Variants in RAP2C observed in about 807,000 individuals in gnomAD.
RAP2C encodes RAP2C, member of RAS oncogene family.
RAP2C carries 3 observed loss-of-function variants against 8.9 expected under a neutral mutation model. That is an observed-to-expected ratio of 0.34 (90% CI 0.15 to 0.87). The LOEUF (loss-of-function observed/expected upper bound fraction) is 0.87. RAP2C is among the 40% of genes least tolerant of loss of function. The pLI, the probability that RAP2C is intolerant of heterozygous loss-of-function variation, is 0.51. For synonymous variants in RAP2C, 60 were observed against 52.1 expected (o/e 1.15, Z -0.65); for missense variants, 76 against 133.7 (o/e 0.57, Z 2.13).
At chrX:132,209,288 T>G (rs1443503537) in intron 5 of RAP2C, among the ~76,000 whole-genome samples, 3 of 111,835 alleles carry the variant, frequency 2.7e-5, no homozygotes, top group Non-Finnish European at 5.6e-5. Context: ...TAAATTAATA[T>G]GATTAGTTCA....
rs1284536245 is a variant in RAP2C, at chrX:132,216,988, T to C, written c.273+8A>G. 1.8e-6 allele frequency: 2 copies of C among 1,115,737 alleles called. No individual in the cohort carries two copies. Among genetic ancestry groups the C allele is most frequent in the Non-Finnish European group, 2.4e-6 (2 of 848,481 alleles). The allele number at this position is 1,115,737 out of a possible 1,213,427, so 91.9% of individuals were successfully genotyped here. On this transcript the variant is annotated splice_region_variant and intron_variant, in intron 4 of 5. Coordinates refer to ENST00000370874, the MANE Select transcript of RAP2C (RefSeq NM_001271186.2). ...CTTCTAACAAATTACAAGACTTGGT[T>C]TGGTTACCTGAAAAGACTGTTGATT...
At chrX:132,216,810 T>G (rs750486863) in intron 4 of RAP2C, among the ~76,000 whole-genome samples, 186 bp downstream of exon 4, 2 of 112,383 alleles carry the variant, frequency 1.8e-5, no homozygotes, top group South Asian at 7.4e-4. Context: ...TTGACGCTTG[T>G]TACTTTTTAC....
chrX:132,204,969 CAT>C lies in RAP2C; in HGVS notation c.*651_*652del, dbSNP rs1211490848. 1 of 74,984 alleles carries C rather than the reference CAT, an allele frequency of 1.3e-5. No homozygotes were observed. Among genetic ancestry groups the C allele is most frequent in the East Asian group, 4.4e-4 (1 of 2,269 alleles). The allele number at this position is 74,984 out of a possible 1,213,427, so 6.2% of individuals were successfully genotyped here. A position where few individuals can be genotyped will look rare whatever the true frequency, so the allele number is the denominator to read the frequency against. ...CAAATATCAATTGTAACCTTCAGAA[CAT>C]GTTAATTACAAAAAAAAAAAAAAAA... On this transcript the variant is annotated 3_prime_UTR_variant, in exon 6 of 6. Transcript: ENST00000370874.
intron 5 of RAP2C, among the ~76,000 whole-genome samples, chrX:132,209,164 G>A (rs779645978): frequency 8.9e-6 from 1 of 111,863 alleles, no homozygotes; most frequent in Non-Finnish European, 1.9e-5. Flanking sequence ...TTGAATGGAG[G>A]TGGAATCACA....
At chrX:132,216,376 CT>C in intron 4 of RAP2C, among the ~76,000 whole-genome samples, 1 of 111,794 alleles carries the variant, frequency 8.9e-6, no homozygotes, top group Non-Finnish European at 1.9e-5. Context: ...GTTATTAATT[CT>C]AGGTACTAGT....
At chrX:132,206,698 T>C (rs999673007) in intron 5 of RAP2C, among the ~76,000 whole-genome samples, 1 of 112,100 alleles carries the variant, frequency 8.9e-6, no homozygotes, top group African/African-American at 3.2e-5. Context: ...TCAAAGAGCC[T>C]GAGATAATGC....
rs199820331 is a variant in RAP2C, at chrX:132,214,140, G to A, written c.*28C>T. 3.4e-6 allele frequency: 4 copies of A among 1,184,927 alleles called. No individual in the cohort carries two copies. The African/African-American group carries it at 5.3e-5, about 16-fold the overall frequency. ...AGTTCCATCAAAAACTAACCTGCTC[G>A]GTATGGCCATGATTGAGGTTATCTT... On this transcript the variant is annotated 3_prime_UTR_variant, in exon 5 of 6. Transcript: ENST00000370874.
At position 132,217,094 on chromosome X, in the gene RAP2C, C is replaced by A; in HGVS notation, c.175G>T (p.Ala59Ser). Residue 59 changes from alanine to serine, a missense_variant, in exon 4 of 6, where the codon GCA becomes TCA. By Grantham distance (99) the Ala-to-Ser change is moderately conservative. Transcript: ENST00000370874. ...SPSVLEILDT[A>S]GTEQFASMRD... Reference sequence around the variant, plus strand: ...ATGGAGGCAAACTGCTCAGTTCCTGCGGTGTCCAGAATTTCCAGCACGGAG... The same window carrying A: ...ATGGAGGCAAACTGCTCAGTTCCTGAGGTGTCCAGAATTTCCAGCACGGAG... 8.3e-7 allele frequency: 1 copy of A among 1,201,108 alleles called. No individual in the cohort carries two copies. Among genetic ancestry groups the A allele is most frequent in the Non-Finnish European group, 1.1e-6 (1 of 889,978 alleles).
intron 1 of RAP2C, among the ~76,000 whole-genome samples, chrX:132,219,053 C>A (rs1037261771): frequency 8.9e-6 from 1 of 112,166 alleles, no homozygotes; most frequent in African/African-American, 3.2e-5. Context: ...ATTGTTACTT[C>A]CGACTATCTT....
In RAP2C at chrX:132,218,299, T is replaced by G. The variant is rs1930731242; in HGVS notation, c.-703A>C. ...GAGCGAGCGAGCCGGCCGGGGACGG[T>G]TTCGGGTCGGGACTCCGGCTTCGGG... is the stretch of plus-strand genomic sequence containing the variant. On this transcript the variant is annotated 5_prime_UTR_variant, in exon 2 of 6. Coordinates refer to ENST00000370874, the MANE Select transcript of RAP2C (RefSeq NM_001271186.2). 9.3e-6 allele frequency: 1 copy of G among 107,916 alleles called. No individual in the cohort carries two copies. Among genetic ancestry groups the G allele is most frequent in the Non-Finnish European group, 1.9e-5 (1 of 51,888 alleles). The allele number at this position is 107,916 out of a possible 1,213,427, so 8.9% of individuals were successfully genotyped here.
At chrX:132,210,807 A>C (rs185308694) in intron 5 of RAP2C, among the ~76,000 whole-genome samples, 50 of 111,927 alleles carry the variant, frequency 4.5e-4, no homozygotes, top group African/African-American at 1.4e-3. Flanking sequence ...TATTTGCCAA[A>C]AGGATATATC....
chrX:132,207,649 CA>C (rs2124130223), intron 5 of RAP2C, among the ~76,000 whole-genome samples: 1 of 111,956 alleles, frequency 8.9e-6, no homozygotes, highest in South Asian at 3.6e-4. Flanking sequence ...TTGCATTAAA[CA>C]AAAACAACAG....
At chrX:132,205,752 T>C (rs766320978) in intron 5 of RAP2C, among the ~76,000 whole-genome samples, 165 bp from the exon 6 acceptor site, 47 of 110,903 alleles carry the variant, frequency 4.2e-4, no homozygotes, top group African/African-American at 1.5e-3. Context: ...TAAAAAAAAA[T>C]AGAAACACAG....
At position 132,204,049 on chromosome X, in the gene RAP2C, T is replaced by C. The variant is rs920925477; in HGVS notation, c.*1573A>G. ...GCCACACCCTTTCATAAACCATCAC[T>C]GCATATATTAGAGCTTTCCTTGACA... On this transcript the variant is annotated 3_prime_UTR_variant, in exon 6 of 6. Transcript: ENST00000370874. 8 of 112,535 alleles carry C rather than the reference T, an allele frequency of 7.1e-5. No homozygotes were observed. Among genetic ancestry groups the C allele is most frequent in the Non-Finnish European group, 1.5e-4 (8 of 53,173 alleles). 9.3% of individuals were successfully genotyped at this position (112,535 alleles called of 1,213,427 possible).
At chrX:132,211,917 G>T (rs1322943744) in intron 5 of RAP2C, among the ~76,000 whole-genome samples, 1 of 110,773 alleles carries the variant, frequency 9.0e-6, no homozygotes, top group Non-Finnish European at 1.9e-5. Flanking sequence ...CAAGCTATAG[G>T]ATTCAAAATC....
chrX:132,213,568 A>C (rs906090176), intron 5 of RAP2C, among the ~76,000 whole-genome samples: 7 of 111,706 alleles, frequency 6.3e-5, no homozygotes, highest in African/African-American at 2.3e-4. Context: ...TTTATAATGA[A>C]GTCAGGGTAC....
Position 132,214,177 on chromosome X carries a change from G to A in RAP2C, c.543C>T (p.Val181=), listed in dbSNP as rs746385159. The A allele has an allele frequency of 5.0e-6, 6 of 1,205,994 alleles. No homozygotes were observed. Among genetic ancestry groups the A allele is most frequent in the East Asian group, 3.0e-5 (1 of 33,707 alleles). ...ATTGAGGTTATCTTCTTTACTGGAC[G>A]ACACAAGTTGTACAACACTGATCTT... The part of the protein sequence containing the change: ...EKQDQCCTTC[V]VQ The change falls in exon 5 of 6, where the codon GTC becomes GTT. Residue 181 remains valine (V), a synonymous_variant. Transcript: ENST00000370874.
intron 5 of RAP2C, 81 bp from the exon 6 acceptor site, chrX:132,205,668 C>A (rs1027133812): frequency 9.0e-6 from 1 of 111,045 alleles, no homozygotes; most frequent in African/African-American, 3.3e-5. Flanking sequence ...TCTATATACA[C>A]AGAGAAGTGG....
intron 5 of RAP2C, among the ~76,000 whole-genome samples, 166 bp from the exon 6 acceptor site, chrX:132,205,753 AG>A (rs1930255028): frequency 9.0e-6 from 1 of 111,237 alleles, no homozygotes; most frequent in Non-Finnish European, 1.9e-5. Context: ...AAAAAAAAAT[AG>A]AAACACAGAA....
Sources: gnomAD v4.1 joint callset for allele counts (sites outside exome capture counted in the v4.1 genomes callset) on GRCh38, gnomAD v4.1.1 for gene constraint, MANE v1.5 for transcripts, NCBI Gene and HGNC (gene_info 2026-07-23, HGNC 2026-07-21) for gene names.